The following MSH3 variants were observed in gnomAD, a reference collection of about 807,000 sequenced individuals.
MSH3 encodes the protein DNA mismatch repair protein Msh3.
A neutral mutation model predicts 123.3 loss-of-function variants in MSH3; 106 were observed. The ratio of observed to expected loss-of-function variants is 0.86; its 90% confidence interval spans 0.73 to 1.01. The LOEUF (loss-of-function observed/expected upper bound fraction) is 1.01, where lower values mean the gene tolerates loss of function less well. Ranked by LOEUF, MSH3 falls within the 50% of genes least tolerant of loss-of-function variation. The pLI, the probability that MSH3 is intolerant of heterozygous loss-of-function variation, is 0.00. For missense variants in MSH3, 1,459 were observed against 1,347.6 expected, an observed-to-expected ratio of 1.08 and a Z score of -1.29; for synonymous variants, 515 against 481.4, an observed-to-expected ratio of 1.07 and a Z score of -0.91.
intron 19 of MSH3, among the ~76,000 whole-genome samples, chr5:80,803,306 G>A (rs566417072): frequency 2.8e-4 from 42 of 152,052 alleles, no homozygotes; most frequent in African/African-American, 1.0e-3. Context: ...TTGTAATTTC[G>A]ATTTGCATTT....
rs182451879 is a variant in MSH3, at chr5:80,856,036, C to A, written c.3000+1720C>A. Among the ~76,000 whole-genome samples, 189 of 152,082 alleles carry A rather than the reference C, an allele frequency of 1.2e-3. 2 individuals are homozygous for A. The highest frequency in any genetic ancestry group is 2.2e-3 in the Non-Finnish European group (151 of 67,990). ...AGTAGCTGGGACTACAGGCACACAC[C>A]AACCATACCCAGCTAATTTTTGTAT... On this transcript the variant is annotated intron_variant, in intron 21 of 23. Transcript: ENST00000265081.
chr5:80,778,043 A>G (rs1351274797), intron 16 of MSH3, among the ~76,000 whole-genome samples: 1 of 152,200 alleles, frequency 6.6e-6, no homozygotes, highest in Non-Finnish European at 1.5e-5. Flanking sequence ...CATAGCTAGT[A>G]AGTAAGTGGC....
At chr5:80,804,480 C>T (rs1209607320) in intron 19 of MSH3, among the ~76,000 whole-genome samples, 2 of 152,272 alleles carry the variant, frequency 1.3e-5, no homozygotes, top group East Asian at 3.8e-4. Context: ...GCAGCTATGT[C>T]TGCATTAGGG....
rs866059188 is a variant in MSH3, at chr5:80,691,959, A to G, written c.1340+12866A>G. On this transcript the variant is annotated intron_variant, in intron 8 of 23. Coordinates refer to ENST00000265081, the MANE Select transcript of MSH3 (RefSeq NM_002439.5). ...CATGTATATGTTTATATAGATAAAC[A>G]TGTATATGTTTATATAGATAAACAT... 1.5e-4 allele frequency among the ~76,000 whole-genome samples: 7 copies of G among 45,476 alleles called. 1 individual carries two copies. The highest frequency in any genetic ancestry group is 6.2e-4 in the South Asian group (1 of 1,610). The allele number at this position is 45,476 out of a possible 152,430, so 29.8% of individuals were successfully genotyped here. A position where few individuals can be genotyped will look rare whatever the true frequency, so the allele number is the denominator to read the frequency against.
chr5:80,861,901 A>G (rs1284511635), intron 21 of MSH3, among the ~76,000 whole-genome samples: 1 of 152,096 alleles, frequency 6.6e-6, no homozygotes, highest in Non-Finnish European at 1.5e-5. Context: ...ACAGATCTAA[A>G]GAGTTGATTT....
chr5:80,829,268 G>T (rs1197683448), intron 20 of MSH3, among the ~76,000 whole-genome samples: 1 of 152,206 alleles, frequency 6.6e-6, no homozygotes, highest in Non-Finnish European at 1.5e-5. Context: ...TTCCACTGCA[G>T]TGTTGAAAAG....
intron 15 of MSH3, among the ~76,000 whole-genome samples, chr5:80,773,376 G>A (rs1190861453): frequency 6.6e-6 from 1 of 152,164 alleles, no homozygotes; most frequent in African/African-American, 2.4e-5. Context: ...GTAGCCAAAG[G>A]AGGCTTGTTA....
chr5:80,850,769 T>C (rs933255573), intron 20 of MSH3, among the ~76,000 whole-genome samples: 2 of 152,228 alleles, frequency 1.3e-5, no homozygotes, highest in African/African-American at 4.8e-5. Flanking sequence ...ATTGTATTTT[T>C]ATCCACTTCC....
In MSH3 at chr5:80,839,988, A is replaced by G. The variant is rs191296754; in HGVS notation, c.2814-14142A>G. 3.2e-3 allele frequency among the ~76,000 whole-genome samples: 483 copies of G among 152,302 alleles called. 5 individuals are homozygous for G. The highest frequency in any genetic ancestry group is 7.3e-3 in the African/African-American group (305 of 41,562). On this transcript the variant is annotated intron_variant, in intron 20 of 23. Transcript: ENST00000265081. ...TATAAAATATTTTAACTCTGGTTTT[A>G]GATTTATTAGCTTTAGACAGTATCT...
At chr5:80,860,200 G>T (rs1745992057) in intron 21 of MSH3, among the ~76,000 whole-genome samples, 1 of 152,008 alleles carries the variant, frequency 6.6e-6, no homozygotes, top group African/African-American at 2.4e-5. Context: ...CTAAAAATAA[G>T]AAAAATAAAA....
Position 80,778,848 on chromosome 5 carries a change from A to G in MSH3, c.2435+12A>G. 2.9e-6 allele frequency: 4 copies of G among 1,381,120 alleles called. No individual in the cohort carries two copies. The highest frequency in any genetic ancestry group is 3.1e-6 in the Non-Finnish European group (3 of 967,314). 85.6% of individuals were successfully genotyped at this position (1,381,120 alleles called of 1,614,324 possible). A position where few individuals can be genotyped will look rare whatever the true frequency, so the allele number is the denominator to read the frequency against. ...CTTGATTTTCTAGAGTGAGTTTACA[A>G]TGAAAAAATATAATCTGACTTTTTG... On this transcript the variant is annotated intron_variant, in intron 17 of 23. Coordinates refer to ENST00000265081, the MANE Select transcript of MSH3 (RefSeq NM_002439.5).
chr5:80,764,021 A>G (rs1353755115), intron 13 of MSH3, among the ~76,000 whole-genome samples: 6 of 152,250 alleles, frequency 3.9e-5, no homozygotes, highest in South Asian at 4.1e-4. Context: ...AGTAGAAATG[A>G]TCTGGTAACA....
chr5:80,688,506 A>T (rs1443123059), intron 8 of MSH3, among the ~76,000 whole-genome samples: 5 of 152,196 alleles, frequency 3.3e-5, no homozygotes, highest in African/African-American at 1.2e-4. Context: ...TTTTGTGTTC[A>T]TCTCTTATTA....
intron 12 of MSH3, among the ~76,000 whole-genome samples, chr5:80,750,275 A>C (rs150231242): frequency 6.6e-6 from 1 of 152,266 alleles, no homozygotes; most frequent in Non-Finnish European, 1.5e-5. Context: ...TTGCTGGATC[A>C]TATGGTAATT....
chr5:80,705,461 A>G (rs1398948610), intron 8 of MSH3, among the ~76,000 whole-genome samples: 3 of 152,196 alleles, frequency 2.0e-5, no homozygotes, highest in African/African-American at 7.2e-5. Context: ...TGCACTCGTA[A>G]TTGGCAAATA....
Position 80,674,997 on chromosome 5 carries a change from A to T in MSH3, c.1042A>T (p.Ile348Phe). 6.2e-7 allele frequency: 1 copy of T among 1,607,890 alleles called. No individual in the cohort carries two copies. The highest frequency in any genetic ancestry group is 8.5e-7 in the Non-Finnish European group (1 of 1,175,024). ...TLIGEDVNPLIKLDDAVNVDE... is the reference protein window; with the variant it reads ...TLIGEDVNPLFKLDDAVNVDE... ...ATTATTATTAAATGTGAATCCCCTA[A>T]TCAAGCTGGATGATGCTGTAAATGT... Residue 348 changes from isoleucine to phenylalanine, a missense_variant, in exon 7 of 24, where the codon ATC (isoleucine) becomes TTC (phenylalanine). Coordinates refer to ENST00000265081, the MANE Select transcript of MSH3 (RefSeq NM_002439.5).
chr5:80,712,610 C>T (rs1211994308), intron 8 of MSH3, among the ~76,000 whole-genome samples: 1 of 152,062 alleles, frequency 6.6e-6, no homozygotes, highest in Non-Finnish European at 1.5e-5. Context: ...TTTTTCCCCT[C>T]TGTGATCCAA....
chr5:80,850,313 T>C (rs953139623), intron 20 of MSH3, among the ~76,000 whole-genome samples: 3 of 152,194 alleles, frequency 2.0e-5, no homozygotes, highest in Non-Finnish European at 4.4e-5. Context: ...CTCTGTCTGT[T>C]TCCCAGTTCC....
Position 80,875,772 on chromosome 5 carries a change from A to C in MSH3, c.3324A>C (p.Ala1108=), listed in dbSNP as rs754476156. 1 of 1,613,424 alleles carries C rather than the reference A, an allele frequency of 6.2e-7. No individual in the cohort carries two copies. Among genetic ancestry groups the C allele is most frequent in the Non-Finnish European group, 8.5e-7 (1 of 1,179,394 alleles). The part of the protein sequence containing the change: ...NTKRKRLKYF[A]KLWTMHNAQD... ...CCAGAAAGAGACTCAAGTATTTTGC[A>C]AAGTTATGGACGATGCATAATGCAC... Residue 1108 remains alanine, a synonymous_variant, in exon 24 of 24, where the codon GCA becomes GCC. Coordinates refer to ENST00000265081, the MANE Select transcript of MSH3 (RefSeq NM_002439.5).
Sources: gnomAD v4.1 joint callset for allele counts (sites outside exome capture counted in the v4.1 genomes callset) on GRCh38, gnomAD v4.1.1 for gene constraint, MANE v1.5 for transcripts, NCBI Gene and HGNC (gene_info 2026-07-23, HGNC 2026-07-21) for gene names.